TRIM37: variants seen among roughly 807,000 people sequenced by gnomAD.
TRIM37 encodes the protein E3 ubiquitin-protein ligase TRIM37.
Under a neutral mutation model 129.8 loss-of-function variants are expected in TRIM37, and 80 were observed. The ratio of observed to expected loss-of-function variants is 0.62; its 90% CI spans 0.51 to 0.74. The LOEUF (loss-of-function observed/expected upper bound fraction) is 0.74, where lower values mean the gene tolerates loss of function less well. Ranked by LOEUF, TRIM37 falls within the 30% of genes least tolerant of loss-of-function variation. TRIM37 has a pLI of 0.00. For synonymous variants in TRIM37, 389 were observed against 387.1 expected, an observed-to-expected ratio of 1.00 and a Z score of -0.06; for missense variants, 1,054 against 1,176.5, an observed-to-expected ratio of 0.90 and a Z score of 1.52.
intron 2 of TRIM37, among the ~76,000 whole-genome samples, chr17:59,100,521 A>T (rs1260517133): frequency 1.3e-5 from 2 of 152,210 alleles, no homozygotes; most frequent in Non-Finnish European, 2.9e-5. Context: ...ATTCCAAAAC[A>T]TGCAAACTTA....
At chr17:58,983,064 G>T in intron 24 of TRIM37, 1 of 726,318 alleles carries the variant, frequency 1.4e-6, no homozygotes, top group Non-Finnish European at 2.2e-6. Flanking sequence ...GAGGGTAAAG[G>T]GAAAAAGTTA....
chr17:59,028,443 T>A lies in TRIM37; in HGVS notation c.2229A>T (p.Ser743=). The change falls in exon 19 of 24, where the codon TCA becomes TCT. Residue 743 remains serine, a synonymous_variant. Coordinates refer to ENST00000262294, the MANE Select transcript of TRIM37 (RefSeq NM_015294.6). ...TTCGTATGTAACAATTGGCAACTGATGACTTTGCCAGGAGTTCCATTCCCA... is the reference window on the plus strand; with the variant it reads ...TTCGTATGTAACAATTGGCAACTGAAGACTTTGCCAGGAGTTCCATTCCCA... ...QDLGMELLAK[S]SVANCYIRNS... 1 of 1,613,720 alleles carries A rather than the reference T, an allele frequency of 6.2e-7. No individual in the cohort carries two copies. The highest frequency in any genetic ancestry group is 8.5e-7 in the Non-Finnish European group (1 of 1,180,034).
At chr17:59,076,735 C>T (rs978266631) in intron 7 of TRIM37, among the ~76,000 whole-genome samples, 1 of 152,136 alleles carries the variant, frequency 6.6e-6, no homozygotes, top group African/African-American at 2.4e-5. Context: ...TTTTATCAAT[C>T]TGTAGTGTTA....
chr17:58,980,424 G>T (rs758001755), downstream of TRIM37: 5 of 1,614,038 alleles, frequency 3.1e-6, no homozygotes, highest in Non-Finnish European at 4.2e-6. This position sits in a 1 kb window ranked among gnomAD's most constrained non-coding sequence, Gnocchi z 4.7. Context: ...GATAGAACTA[G>T]CCTGAGCCCA....
At position 59,084,758 on chromosome 17, in the gene TRIM37, C is replaced by T. The variant is rs571573907; in HGVS notation, c.282-669G>A. ...AGGGCAGGACCCAAATCCAACAGGA[C>T]TGGTGTCCTCTATAAAGAGGAGGAG... On this transcript the variant is annotated intron_variant, in intron 4 of 23. Coordinates refer to ENST00000262294, the MANE Select transcript of TRIM37 (RefSeq NM_015294.6). Among the ~76,000 whole-genome samples, 12 of 152,250 alleles carry T rather than the reference C, an allele frequency of 7.9e-5. No homozygotes were observed. In the South Asian group the frequency reaches 2.5e-3, roughly 31 times the overall value.
chr17:59,069,333 T>G (rs1366968051), intron 9 of TRIM37, among the ~76,000 whole-genome samples: 1 of 150,138 alleles, frequency 6.7e-6, no homozygotes, highest in Non-Finnish European at 1.5e-5. Context: ...GGTGACAGAG[T>G]GAGATGGAGT....
the TRIM37 span, chr17:58,972,716 A>G: frequency 3.2e-6 from 3 of 925,272 alleles, no homozygotes; most frequent in Non-Finnish European, 5.1e-6. Context: ...TCCAATGGAG[A>G]AACAAAGAGA....
At chr17:58,980,552 C>T, downstream of TRIM37, 1 of 1,614,050 alleles carries the variant, frequency 6.2e-7, no homozygotes, top group African/African-American at 1.3e-5. This position sits in a 1 kb window ranked among gnomAD's most constrained non-coding sequence, Gnocchi z 4.7. Flanking sequence ...TCCTGGTGCA[C>T]CAAAGAAAGC....
the TRIM37 span, among the ~76,000 whole-genome samples, chr17:58,975,612 G>A: frequency 1.3e-3 from 202 of 152,312 alleles, no homozygotes; most frequent in African/African-American, 4.7e-3. Flanking sequence ...ATACACAGGG[G>A]TTTGAAAAGG....
chr17:59,044,833 G>A (rs1457291645), intron 16 of TRIM37, among the ~76,000 whole-genome samples: 3 of 152,184 alleles, frequency 2.0e-5, no homozygotes, highest in African/African-American at 7.2e-5. Flanking sequence ...CAAGGATACT[G>A]AGGGACAACT....
At chr17:59,034,023 C>T (rs533176907) in intron 17 of TRIM37, among the ~76,000 whole-genome samples, 1 of 151,522 alleles carries the variant, frequency 6.6e-6, no homozygotes, top group South Asian at 2.1e-4. Context: ...AGGAGAATTG[C>T]TTGAACCTGG....
At chr17:59,040,695 T>G (rs1015700819) in intron 17 of TRIM37, among the ~76,000 whole-genome samples, 3 of 152,078 alleles carry the variant, frequency 2.0e-5, no homozygotes, top group African/African-American at 4.8e-5. Flanking sequence ...AGAGCTTAGG[T>G]TGGAGTTGAA....
the TRIM37 span, chr17:58,969,728 G>GT: frequency 6.2e-7 from 1 of 1,613,876 alleles, no homozygotes; most frequent in Non-Finnish European, 8.5e-7. Context: ...AGCCAGGGAG[G>GT]TATGCCCCTT....
At chr17:59,038,323 C>G (rs1047622204) in intron 17 of TRIM37, among the ~76,000 whole-genome samples, 1 of 152,110 alleles carries the variant, frequency 6.6e-6, no homozygotes, top group Non-Finnish European at 1.5e-5. Context: ...AATATACTCA[C>G]CCTTAGGTTA....
intron 9 of TRIM37, 38 bp from the exon 10 acceptor site, chr17:59,064,443 A>G: frequency 1.3e-6 from 2 of 1,505,358 alleles, no homozygotes; most frequent in East Asian, 2.3e-5. Flanking sequence ...TTTAGCTTAC[A>G]TGTTTAAAAT....
intron 16 of TRIM37, among the ~76,000 whole-genome samples, chr17:59,043,448 T>C (rs536241416): frequency 3.9e-5 from 6 of 152,340 alleles, no homozygotes; most frequent in Admixed American, 3.9e-4. Flanking sequence ...CTCCACTTCC[T>C]AACTTGGTGT....
At chr17:59,002,554 A>G (rs1567940255) in intron 22 of TRIM37, among the ~76,000 whole-genome samples, 2 of 152,202 alleles carry the variant, frequency 1.3e-5, no homozygotes. Context: ...TTGATTTTTA[A>G]AAGAATAATT....
chr17:59,055,576 T>TA (rs2146311025), intron 13 of TRIM37, among the ~76,000 whole-genome samples: 1 of 146,360 alleles, frequency 6.8e-6, no homozygotes, highest in South Asian at 2.1e-4. Flanking sequence ...CAGGCACCTG[T>TA]AGTCCCAGCT....
chr17:59,081,906 CA>C (rs1162173136), intron 5 of TRIM37, among the ~76,000 whole-genome samples: 1 of 92,936 alleles, frequency 1.1e-5, no homozygotes, highest in Non-Finnish European at 2.2e-5. Context: ...CTGTCCCCCC[CA>C]AAAAATAATA....
Sources: allele counts gnomAD v4.1 joint callset (sites outside exome capture counted in the v4.1 genomes callset), GRCh38; gene constraint gnomAD v4.1.1; non-coding constraint Gnocchi (gnomAD v3.1); transcripts MANE v1.5; gene names NCBI Gene and HGNC (gene_info 2026-07-23, HGNC 2026-07-21).